The following TOP1 variants were observed in gnomAD, a reference collection of about 807,000 sequenced individuals.
The protein encoded by TOP1 is DNA topoisomerase I, also known as DNA topoisomerase 1.
TOP1 carries 10 observed loss-of-function variants against 111.1 expected under a neutral mutation model. The observed-to-expected ratio is 0.09, with a 90% confidence interval of 0.06 to 0.15. The LOEUF (loss-of-function observed/expected upper bound fraction) is 0.15, where lower values mean the gene tolerates loss of function less well. Ranked by LOEUF, TOP1 falls within the 10% of genes least tolerant of loss-of-function variation. TOP1 has a pLI of 1.00. For synonymous variants in TOP1, 271 were observed against 302.9 expected, an observed-to-expected ratio of 0.89 and a Z score of 1.10; for missense variants, 474 against 926.7, an observed-to-expected ratio of 0.51 and a Z score of 6.34.
At chr20:41,076,767 T>A (rs555277418) in intron 4 of TOP1, among the ~76,000 whole-genome samples, 1 of 152,308 alleles carries the variant, frequency 6.6e-6, no homozygotes, top group East Asian at 1.9e-4. Flanking sequence ...TTATTTTAGC[T>A]TTGAAAAAGT....
At chr20:41,111,939 G>A (rs534142303) in intron 13 of TOP1, among the ~76,000 whole-genome samples, 1 of 152,220 alleles carries the variant, frequency 6.6e-6, no homozygotes, top group South Asian at 2.1e-4. Flanking sequence ...CAGCTTGGTA[G>A]CAGAAGTCTT....
chr20:41,101,308 A>C lies in TOP1; in HGVS notation c.1263A>C (p.Gln421His). ...TWLVSWTENI[Q>H]GSIKYIMLNP... ...TGGTTTCCTGGACAGAGAACATCCA[A>C]GGTTCCATTAAATACATCATGCTTA... Residue 421 changes from glutamine to histidine, a missense_variant, in exon 13 of 21, where the codon CAA (glutamine) becomes CAC (histidine). This residue lies in a region of TOP1 where 7 missense variants were observed against 57.3 expected (regional missense o/e 0.12). Coordinates refer to ENST00000361337, the MANE Select transcript of TOP1 (RefSeq NM_003286.4). The surrounding 1 kb of genome is among the most constrained non-coding windows in gnomAD (Gnocchi z 4.1). 1 of 1,614,202 alleles carries C rather than the reference A, an allele frequency of 6.2e-7. No individual in the cohort carries two copies. Among genetic ancestry groups the C allele is most frequent in the Non-Finnish European group, 8.5e-7 (1 of 1,180,014 alleles).
At position 41,124,001 on chromosome 20, in the gene TOP1, C is replaced by G. The variant is rs1025429067; in HGVS notation, c.*704C>G. 8.6e-6 allele frequency: 2 copies of G among 232,734 alleles called. No individual in the cohort carries two copies. Among genetic ancestry groups the G allele is most frequent in the Non-Finnish European group, 1.7e-5 (2 of 117,656 alleles). The allele number at this position is 232,734 out of a possible 1,614,324, so 14.4% of individuals were successfully genotyped here. On this transcript the variant is annotated 3_prime_UTR_variant, in exon 21 of 21. Coordinates refer to ENST00000361337, the MANE Select transcript of TOP1 (RefSeq NM_003286.4). The surrounding 1 kb of genome is among the most constrained non-coding windows in gnomAD (Gnocchi z 5.4). ...AAACCTTTTTCTTGATCTTAAAGAT[C>G]GTGTAGATTGGGGTTGGGGAGGGAT...
At chr20:41,031,538 T>C (rs2033119719) in intron 2 of TOP1, among the ~76,000 whole-genome samples, 1 of 152,240 alleles carries the variant, frequency 6.6e-6, no homozygotes, top group African/African-American at 2.4e-5. Flanking sequence ...ATGTGTTGGC[T>C]CACATTTAAT....
At chr20:41,056,643 T>G (rs2033475157) in intron 2 of TOP1, among the ~76,000 whole-genome samples, 1 of 152,114 alleles carries the variant, frequency 6.6e-6, no homozygotes, top group Non-Finnish European at 1.5e-5. Context: ...GATGCCCAAT[T>G]AATTTTTTAA....
In TOP1 at chr20:41,106,106, T is replaced by C. The variant is rs907905772; in HGVS notation, c.1308+4753T>C. On this transcript the variant is annotated intron_variant, in intron 13 of 20. Transcript: ENST00000361337. The surrounding 1 kb of genome is among the most constrained non-coding windows in gnomAD (Gnocchi z 4.3). The stretch of plus-strand genomic sequence containing the variant: ...GCATTGGGATGAAGTTGAAACCTAA[T>C]ATATTTTCCAAATGAGTAAACTGTT... Among the ~76,000 whole-genome samples the C allele has an allele frequency of 6.6e-6, 1 of 152,138 alleles. No homozygotes were observed. The highest frequency in any genetic ancestry group is 1.5e-5 in the Non-Finnish European group (1 of 68,028).
chr20:41,123,177 T>C lies in TOP1; in HGVS notation c.2196-18T>C. 6.3e-7 allele frequency: 1 copy of C among 1,593,242 alleles called. No individual in the cohort carries two copies. Among genetic ancestry groups the C allele is most frequent in the Non-Finnish European group, 8.6e-7 (1 of 1,161,150 alleles). ...CTGAGTCACCCTAATCCCCCCCTTA[T>C]TTCTCCTTTGTTTGCAGGTGCAAGA... On this transcript the variant is annotated intron_variant, in intron 20 of 20. Transcript: ENST00000361337. The surrounding 1 kb of genome is among the most constrained non-coding windows in gnomAD (Gnocchi z 5.8).
chr20:41,050,217 C>T (rs1014308238), intron 2 of TOP1, among the ~76,000 whole-genome samples: 3 of 152,162 alleles, frequency 2.0e-5, no homozygotes, highest in Non-Finnish European at 2.9e-5. Flanking sequence ...GGGCTTTCAC[C>T]GTGTTGGTCA....
rs58825340 is a variant in TOP1, at chr20:41,077,086, T to C, written c.280-496T>C. ...ACAGGGCATAGACTACTTTTTTGTT[T>C]GTTTGTTTTTTAAATAAAGATGGGG... is the stretch of plus-strand genomic sequence containing the variant. On this transcript the variant is annotated intron_variant, in intron 4 of 20. Transcript: ENST00000361337. Among the ~76,000 whole-genome samples, 1,077 of 152,260 alleles carry C rather than the reference T, an allele frequency of 7.1e-3. 9 individuals carry two copies. Among genetic ancestry groups the C allele is most frequent in the African/African-American group, 0.025 (1,033 of 41,538 alleles).
chr20:41,033,516 T>G (rs1352594138), intron 2 of TOP1, among the ~76,000 whole-genome samples: 1 of 152,200 alleles, frequency 6.6e-6, no homozygotes, highest in Admixed American at 6.5e-5. Flanking sequence ...TTTTTTGTTT[T>G]GCTTGTTTTC....
chr20:41,068,711 A>G (rs1275210297), intron 3 of TOP1, among the ~76,000 whole-genome samples: 2 of 152,212 alleles, frequency 1.3e-5, no homozygotes, highest in Non-Finnish European at 2.9e-5. Flanking sequence ...TAAAAAATAC[A>G]TAAATAATCT....
chr20:41,045,003 G>C lies in TOP1; in HGVS notation c.58+15548G>C, dbSNP rs994018278. ...GGGTTTTGCCATGTTGACCAGGTTT[G>C]TGTCAAACTCCTGGCCTCTAGTGAT... On this transcript the variant is annotated intron_variant, in intron 2 of 20. Transcript: ENST00000361337. 2.6e-5 allele frequency among the ~76,000 whole-genome samples: 4 copies of C among 152,106 alleles called. No individual in the cohort carries two copies. The East Asian group carries it at 7.7e-4, about 29-fold the overall frequency.
At chr20:41,036,321 G>C (rs2033184611) in intron 2 of TOP1, among the ~76,000 whole-genome samples, 2 of 151,990 alleles carry the variant, frequency 1.3e-5, no homozygotes, top group South Asian at 4.2e-4. Flanking sequence ...GGGAAGAGTG[G>C]GGGTGTGAGG....
chr20:41,096,331 G>A (rs2145948406), intron 9 of TOP1, among the ~76,000 whole-genome samples: 1 of 152,282 alleles, frequency 6.6e-6, no homozygotes, highest in East Asian at 1.9e-4. Context: ...GCCTCCCAAA[G>A]TGCTGGGATT....
rs961626999 is a variant in TOP1 at position 41,102,092 on chromosome 20, A to G, written c.1308+739A>G. Among the ~76,000 whole-genome samples, 2 of 152,196 alleles carry G rather than the reference A, an allele frequency of 1.3e-5. No homozygotes were observed. The highest frequency in any genetic ancestry group is 2.4e-5 in the African/African-American group (1 of 41,456). ...CACAGTCAAGGAATTAGTTCTATGT[A>G]GACTGTTAACTGTTTTATGTGCAGG... On this transcript the variant is annotated intron_variant, in intron 13 of 20. Transcript: ENST00000361337. This position sits in a 1 kb window ranked among gnomAD's most constrained non-coding sequence, Gnocchi z 4.0.
rs752245199 is a variant in TOP1, at chr20:41,097,694, C to T, written c.852+353C>T. 2.7e-4 allele frequency among the ~76,000 whole-genome samples: 41 copies of T among 152,176 alleles called. No homozygotes were observed. Among genetic ancestry groups the T allele is most frequent in the Non-Finnish European group, 5.1e-4 (35 of 68,030 alleles). On this transcript the variant is annotated intron_variant, in intron 10 of 20. Coordinates refer to ENST00000361337, the MANE Select transcript of TOP1 (RefSeq NM_003286.4). The surrounding 1 kb of genome is among the most constrained non-coding windows in gnomAD (Gnocchi z 4.2). Reference sequence around the variant, plus strand: ...AGAAATGTTAATCTGATGTCCCTCTCGCTGTTAATTCTTGCTCATTTATTT... The same window carrying T: ...AGAAATGTTAATCTGATGTCCCTCTTGCTGTTAATTCTTGCTCATTTATTT...
In TOP1 at chr20:41,112,498, A is replaced by G. The variant is rs1219742081; in HGVS notation, c.1309-284A>G. 6.6e-6 allele frequency among the ~76,000 whole-genome samples: 1 copy of G among 152,218 alleles called. No individual in the cohort carries two copies. The highest frequency in any genetic ancestry group is 6.5e-5 in the Admixed American group (1 of 15,286). On this transcript the variant is annotated intron_variant, in intron 13 of 20. Transcript: ENST00000361337. The surrounding 1 kb of genome is among the most constrained non-coding windows in gnomAD (Gnocchi z 5.8). ...ACAATGTGCATTCTTAACAGGTTAA[A>G]TGTGCCAAACTCTCTCTTCAGTACT...
At position 41,076,252 on chromosome 20, in the gene TOP1, C is replaced by G. The variant is rs889429048; in HGVS notation, c.237C>G (p.Asp79Glu). The G allele has an allele frequency of 5.0e-6, 8 of 1,604,732 alleles. No individual in the cohort carries two copies. The highest frequency in any genetic ancestry group is 6.8e-6 in the Non-Finnish European group (8 of 1,171,932). Residue 79 changes from aspartate (D) to glutamate (E), a missense_variant, in exon 4 of 21, where the codon GAC becomes GAG. Physicochemically the swap from Asp to Glu is conservative, Grantham distance 45. Around this residue, in one of 14 missense-constraint regions of TOP1, gnomAD observed 185 missense variants for 226.3 expected, o/e 0.82. Transcript: ENST00000361337. ...ATGGAAGCTCAGAAAAGCATAAAGA[C>G]AAACATAAAGACAGAGACAAGGAAA... ...HKDGSSEKHK[D>E]KHKDRDKEKR...
At chr20:41,111,850 C>G (rs2034247572) in intron 13 of TOP1, among the ~76,000 whole-genome samples, 1 of 151,980 alleles carries the variant, frequency 6.6e-6, no homozygotes, top group Non-Finnish European at 1.5e-5. Flanking sequence ...TTATGTAATT[C>G]CCTGCTTCTG....
Sources: gnomAD v4.1 joint callset for allele counts (sites outside exome capture counted in the v4.1 genomes callset) on GRCh38, gnomAD v4.1.1 for gene constraint, gnomAD v4.1.1 regional missense constraint, Gnocchi (gnomAD v3.1) non-coding constraint, MANE v1.5 for transcripts, NCBI Gene and HGNC (gene_info 2026-07-23, HGNC 2026-07-21) for gene names.